Variants in LRRC38 observed in about 807,000 individuals in gnomAD.
LRRC38 encodes the protein leucine rich repeat containing 38, also known as leucine-rich repeat-containing protein 38.
Under a neutral mutation model 16.4 loss-of-function variants are expected in LRRC38, and 5 were observed. That is an observed-to-expected ratio of 0.31 (90% CI 0.16 to 0.64). The LOEUF (loss-of-function observed/expected upper bound fraction) is 0.64, where lower values mean the gene tolerates loss of function less well. Ranked by LOEUF, LRRC38 falls within the 30% of genes least tolerant of loss-of-function variation. LRRC38 has a pLI of 0.80. For synonymous variants in LRRC38, 191 were observed against 190.2 expected, an observed-to-expected ratio of 1.00 and a Z score of -0.04; for missense variants, 341 against 401.8, an observed-to-expected ratio of 0.85 and a Z score of 1.29.
intron 1 of LRRC38, among the ~76,000 whole-genome samples, chr1:13,506,301 CATG>C (rs1203953816): frequency 1.1e-4 from 17 of 152,096 alleles, no homozygotes; most frequent in Non-Finnish European, 1.5e-5. Context: ...CATCACAGCC[CATG>C]ATGTTTCCCG....
intron 1 of LRRC38, among the ~76,000 whole-genome samples, chr1:13,484,924 T>C (rs1046674546): frequency 6.6e-6 from 1 of 152,210 alleles, no homozygotes; most frequent in African/African-American, 2.4e-5. Flanking sequence ...GGATCTAGAA[T>C]CAGGTGGTCT....
rs1638956002 is a variant in LRRC38 at position 13,487,888 on chromosome 1, C to G, written c.632-11789G>C. ...ACAGGCTCTGGTAAGCGCTTTTTGT[C>G]ATTAAAAATATTTTTTTGTTTTCTT... On this transcript the variant is annotated intron_variant, in intron 1 of 1. Transcript: ENST00000376085. This position sits in a 1 kb window ranked among gnomAD's most constrained non-coding sequence, Gnocchi z 4.4. Among the ~76,000 whole-genome samples, 1 of 152,056 alleles carries G rather than the reference C, an allele frequency of 6.6e-6. No individual in the cohort carries two copies. The highest frequency in any genetic ancestry group is 2.4e-5 in the African/African-American group (1 of 41,392).
At position 13,509,609 on chromosome 1, in the gene LRRC38, C is replaced by T. The variant is rs1639252636; in HGVS notation, c.631+3354G>A. Among the ~76,000 whole-genome samples the T allele has an allele frequency of 2.0e-5, 3 of 152,162 alleles. No individual in the cohort carries two copies. In the South Asian group the frequency reaches 6.2e-4, roughly 32 times the overall value. On this transcript the variant is annotated intron_variant, in intron 1 of 1. Transcript: ENST00000376085. ...CCAAGAGCTCTGCCCTCCCTAATGC[C>T]CAGAGACTACAGCCCCCTGAATTCC...
At chr1:13,495,302 G>T (rs1569927036) in intron 1 of LRRC38, among the ~76,000 whole-genome samples, 1 of 152,186 alleles carries the variant, frequency 6.6e-6, no homozygotes, top group East Asian at 1.9e-4. Context: ...ACATAAACTA[G>T]ATGTACGTGA....
chr1:13,503,560 C>T (rs78968661), intron 1 of LRRC38, among the ~76,000 whole-genome samples: 6 of 152,314 alleles, frequency 3.9e-5, no homozygotes, highest in South Asian at 2.1e-4. Flanking sequence ...TGAGCCACCA[C>T]GCCCAGCCCA....
At chr1:13,486,693 C>T (rs541902365) in intron 1 of LRRC38, among the ~76,000 whole-genome samples, 3 of 151,808 alleles carry the variant, frequency 2.0e-5, no homozygotes, top group East Asian at 1.9e-4. Flanking sequence ...TGGGTTCAAC[C>T]GATCTTCCCA....
At chr1:13,500,034 T>C (rs1639127657) in intron 1 of LRRC38, among the ~76,000 whole-genome samples, 1 of 152,076 alleles carries the variant, frequency 6.6e-6, no homozygotes, top group Admixed American at 6.6e-5. Flanking sequence ...GCAGATCACC[T>C]GAGGGCAGGA....
intron 1 of LRRC38, among the ~76,000 whole-genome samples, chr1:13,490,789 G>A (rs537694507): frequency 1.1e-4 from 17 of 152,200 alleles, no homozygotes; most frequent in African/African-American, 4.1e-4. Flanking sequence ...AGCTCCACAC[G>A]GCCTCTGGAT....
At chr1:13,476,918 G>A (rs1297053627) in intron 1 of LRRC38, among the ~76,000 whole-genome samples, 3 of 152,056 alleles carry the variant, frequency 2.0e-5, no homozygotes, top group African/African-American at 4.8e-5. Flanking sequence ...GGCCAACATG[G>A]TGAAATCCTG....
chr1:13,512,749 GGAA>G (rs1404639999), intron 1 of LRRC38, among the ~76,000 whole-genome samples: 1 of 152,122 alleles, frequency 6.6e-6, no homozygotes, highest in Non-Finnish European at 1.5e-5. Context: ...GAGAAACAGG[GGAA>G]GAAGTACAGC....
chr1:13,493,062 A>G (rs1639035849), intron 1 of LRRC38, among the ~76,000 whole-genome samples: 1 of 152,230 alleles, frequency 6.6e-6, no homozygotes, highest in Non-Finnish European at 1.5e-5. Flanking sequence ...GAGTGCAGGC[A>G]TCTCACCCTC....
At chr1:13,488,032 T>TTGTGTGTGTGTGTGTGTGTG (rs71570140) in intron 1 of LRRC38, among the ~76,000 whole-genome samples, 100 of 147,204 alleles carry the variant, frequency 6.8e-4, no homozygotes, top group African/African-American at 2.2e-3. Context: ...TTGTGTGTGT[T>TTGTGTGTGTGTGTGTGTGTG]TGTGTGTGTG....
chr1:13,489,427 C>T (rs1357522488), intron 1 of LRRC38, among the ~76,000 whole-genome samples: 1 of 152,086 alleles, frequency 6.6e-6, no homozygotes, highest in Non-Finnish European at 1.5e-5. Flanking sequence ...TCTCATTTCC[C>T]CTCCCTCCCC....
chr1:13,478,032 G>T (rs1638808713), intron 1 of LRRC38, among the ~76,000 whole-genome samples: 1 of 152,138 alleles, frequency 6.6e-6, no homozygotes, highest in South Asian at 2.1e-4. Context: ...ATGAACCAAA[G>T]AAATAGCTTA....
At chr1:13,494,609 G>A (rs866404709) in intron 1 of LRRC38, among the ~76,000 whole-genome samples, 4 of 152,252 alleles carry the variant, frequency 2.6e-5, no homozygotes, top group East Asian at 1.9e-4. Context: ...ATGGTGGATC[G>A]AAATCAAAAG....
At chr1:13,480,991 C>A (rs1452839194) in intron 1 of LRRC38, among the ~76,000 whole-genome samples, 1 of 152,120 alleles carries the variant, frequency 6.6e-6, no homozygotes, top group African/African-American at 2.4e-5. Context: ...ACATTTAGAT[C>A]CCCAGAATGT....
intron 1 of LRRC38, among the ~76,000 whole-genome samples, chr1:13,498,249 CA>C (rs112781450): frequency 0.33 from 48,528 of 147,068 alleles, 8,332 homozygotes; most frequent in East Asian, 0.44. Context: ...CAAAACAAAA[CA>C]AAAAAAAAAA....
rs578253198 is a variant in LRRC38, at chr1:13,497,267, T to C, written c.631+15696A>G. Among the ~76,000 whole-genome samples, 5 of 152,298 alleles carry C rather than the reference T, an allele frequency of 3.3e-5. No individual in the cohort carries two copies. The East Asian group carries it at 9.7e-4, about 29-fold the overall frequency. ...GCCGCTGCTCCAGACAAAGCTCTCATAGCAGAAGAAGGTAGGAGTCAAATT... is the reference window on the plus strand; with the variant it reads ...GCCGCTGCTCCAGACAAAGCTCTCACAGCAGAAGAAGGTAGGAGTCAAATT... On this transcript the variant is annotated intron_variant, in intron 1 of 1. Coordinates refer to ENST00000376085, the MANE Select transcript of LRRC38 (RefSeq NM_001010847.2).
intron 1 of LRRC38, among the ~76,000 whole-genome samples, chr1:13,481,387 T>TA (rs1569909306): frequency 7.9e-6 from 1 of 127,248 alleles, no homozygotes; most frequent in Non-Finnish European, 1.7e-5. Context: ...TTTTTTTTAT[T>TA]TTTTTTTTTT....
Sources: allele counts gnomAD v4.1 joint callset (sites outside exome capture counted in the v4.1 genomes callset), GRCh38; gene constraint gnomAD v4.1.1; non-coding constraint Gnocchi (gnomAD v3.1); transcripts MANE v1.5; gene names NCBI Gene and HGNC (gene_info 2026-07-23, HGNC 2026-07-21).